Variants in FAM227B observed in about 807,000 individuals in gnomAD.
FAM227B encodes the protein family with sequence similarity 227 member B, also known as protein FAM227B.
In FAM227B, 88 loss-of-function variants were observed where a neutral mutation model predicts 73.8. The observed-to-expected ratio is 1.19, with a 90% confidence interval of 1.00 to 1.42. The LOEUF is 1.42. Among genes scored for constraint, FAM227B ranks in the 40% most tolerant of loss-of-function variants. The pLI, the probability that FAM227B is intolerant of heterozygous loss-of-function variation, is 0.00. For missense variants in FAM227B, 632 were observed against 590.9 expected, an observed-to-expected ratio of 1.07 and a Z score of -0.72; for synonymous variants, 210 against 190.5, an observed-to-expected ratio of 1.10 and a Z score of -0.84.
intron 9 of FAM227B, among the ~76,000 whole-genome samples, chr15:49,564,859 G>C (rs866939386): frequency 6.6e-6 from 1 of 151,574 alleles, no homozygotes; most frequent in Non-Finnish European, 1.5e-5. Context: ...GAGGTGTTGG[G>C]GGTGAGGACT....
intron 8 of FAM227B, among the ~76,000 whole-genome samples, chr15:49,572,984 CTTT>C (rs984852077): frequency 6.8e-6 from 1 of 147,648 alleles, no homozygotes; most frequent in Non-Finnish European, 1.5e-5. Context: ...ATAGGTTTGG[CTTT>C]TTTTTTTCTT....
chr15:49,354,031 A>G (rs1251975678), intron 13 of FAM227B: 1 of 152,196 alleles, frequency 6.6e-6, no homozygotes, highest in Non-Finnish European at 1.5e-5. Flanking sequence ...AGCTGGTGAC[A>G]CTTCTGGAGT....
At chr15:49,491,270 C>G (rs1205390075) in intron 11 of FAM227B, among the ~76,000 whole-genome samples, 1 of 151,852 alleles carries the variant, frequency 6.6e-6, no homozygotes, top group Non-Finnish European at 1.5e-5. Flanking sequence ...ATCTCATATA[C>G]TGCCTAATTC....
At chr15:49,564,009 G>A (rs1304104316) in intron 9 of FAM227B, among the ~76,000 whole-genome samples, 1 of 152,152 alleles carries the variant, frequency 6.6e-6, no homozygotes, top group Non-Finnish European at 1.5e-5. Context: ...AAACTAAAAA[G>A]CTTCTGCACA....
At chr15:49,609,105 G>A (rs2077717622) in intron 3 of FAM227B, among the ~76,000 whole-genome samples, 1 of 151,836 alleles carries the variant, frequency 6.6e-6, no homozygotes, top group South Asian at 2.1e-4. Context: ...GTAACTAAAT[G>A]AGTGAATGAA....
intron 11 of FAM227B, among the ~76,000 whole-genome samples, chr15:49,394,111 G>A (rs1342524444): frequency 6.6e-6 from 1 of 152,118 alleles, no homozygotes; most frequent in African/African-American, 2.4e-5. Flanking sequence ...GAGTAACAAG[G>A]GGATAGAGAA....
At chr15:49,531,938 G>A (rs1315511599) in intron 10 of FAM227B, among the ~76,000 whole-genome samples, 1 of 151,386 alleles carries the variant, frequency 6.6e-6, no homozygotes, top group East Asian at 1.9e-4. Flanking sequence ...TAAACAGGTA[G>A]TTACTTTGTC....
rs759869055 is a variant in FAM227B, at chr15:49,588,081, A to T, written c.340T>A (p.Ser114Thr). The T allele has an allele frequency of 1.4e-6, 2 of 1,402,826 alleles. No homozygotes were observed. 86.9% of individuals were successfully genotyped at this position (1,402,826 alleles called of 1,614,324 possible). ...KWKSMISETSSYRKLERYGEF... is the reference protein window; with the variant it reads ...KWKSMISETSTYRKLERYGEF... ...CCATATCGTTCCAATTTTCTATAAG[A>T]ACCTTTAAGAAAATAAGAATTCACA... The change falls in exon 5 of 16, where the codon TCT (serine) becomes ACT (threonine). Residue 114 changes from serine to threonine, a missense_variant and splice_region_variant. Physicochemically the swap from Ser to Thr is moderately conservative, Grantham distance 58. Transcript: ENST00000299338.
intron 10 of FAM227B, among the ~76,000 whole-genome samples, chr15:49,515,240 G>T (rs985418341): frequency 5.3e-5 from 8 of 151,790 alleles, no homozygotes; most frequent in African/African-American, 1.9e-4. Flanking sequence ...TCTTTCCTTG[G>T]GTGTGACAAG....
At chr15:49,488,567 G>C (rs902153433) in intron 11 of FAM227B, 2 of 151,770 alleles carry the variant, frequency 1.3e-5, no homozygotes, top group Admixed American at 6.6e-5. Flanking sequence ...TTTACTTCCT[G>C]GTTATCATGT....
At chr15:49,525,716 A>C (rs1162606255) in intron 10 of FAM227B, among the ~76,000 whole-genome samples, 6 of 89,152 alleles carry the variant, frequency 6.7e-5, no homozygotes, top group Non-Finnish European at 9.8e-5. Flanking sequence ...ATATATATAT[A>C]TATCACAAAC....
chr15:49,547,577 G>A (rs943390465), intron 9 of FAM227B, among the ~76,000 whole-genome samples: 1 of 152,140 alleles, frequency 6.6e-6, no homozygotes, highest in African/African-American at 2.4e-5. Flanking sequence ...ATAAAGGGAT[G>A]GAGGAAGATC....
intron 11 of FAM227B, among the ~76,000 whole-genome samples, chr15:49,390,232 G>T (rs1333338791): frequency 6.6e-6 from 1 of 151,964 alleles, no homozygotes; most frequent in Non-Finnish European, 1.5e-5. Context: ...TAAATGAGAT[G>T]AAGTCTCCTT....
At chr15:49,568,099 C>T (rs2074800920) in intron 9 of FAM227B, 146 bp downstream of exon 9, 2 of 642,776 alleles carry the variant, frequency 3.1e-6, no homozygotes, top group South Asian at 4.1e-5. Flanking sequence ...AAGAGCATAA[C>T]TTTCAAAATA....
chr15:49,551,283 G>A (rs1192189292), intron 9 of FAM227B, among the ~76,000 whole-genome samples: 1 of 152,012 alleles, frequency 6.6e-6, no homozygotes, highest in Non-Finnish European at 1.5e-5. Context: ...GAGAGGGAGA[G>A]GGAGAGGACG....
chr15:49,509,649 T>C (rs896454108), intron 10 of FAM227B, among the ~76,000 whole-genome samples: 1 of 151,740 alleles, frequency 6.6e-6, no homozygotes, highest in Non-Finnish European at 1.5e-5. Flanking sequence ...CAACATTATT[T>C]ACAAGTTTTA....
chr15:49,519,191 TCCA>T (rs1220548825), intron 10 of FAM227B, among the ~76,000 whole-genome samples: 1 of 152,182 alleles, frequency 6.6e-6, no homozygotes, highest in Non-Finnish European at 1.5e-5. Context: ...CTTGGGCAGC[TCCA>T]CCCCTGTGGC....
At chr15:49,370,931 C>A (rs965020414) in intron 12 of FAM227B, among the ~76,000 whole-genome samples, 2 of 152,126 alleles carry the variant, frequency 1.3e-5, no homozygotes, top group African/African-American at 4.8e-5. Flanking sequence ...AAGGACAGGT[C>A]AACTATTGTT....
At chr15:49,456,231 G>A (rs2053272595) in intron 11 of FAM227B, among the ~76,000 whole-genome samples, 1 of 151,866 alleles carries the variant, frequency 6.6e-6, no homozygotes, top group African/African-American at 2.4e-5. Flanking sequence ...TTCCCTCTGA[G>A]ACTTGAATTA....
Sources: allele counts gnomAD v4.1 joint callset (sites outside exome capture counted in the v4.1 genomes callset), GRCh38; gene constraint gnomAD v4.1.1; transcripts MANE v1.5; gene names NCBI Gene and HGNC (gene_info 2026-07-23, HGNC 2026-07-21).